The following ARL15 variants were observed in gnomAD, a reference collection of about 807,000 sequenced individuals.
ARL15 encodes ADP-ribosylation factor-like protein 15.
Under a neutral mutation model 25.2 loss-of-function variants are expected in ARL15, and 19 were observed. That is an observed-to-expected ratio of 0.75 (90% confidence interval 0.53 to 1.10). The LOEUF (loss-of-function observed/expected upper bound fraction) is 1.10, where lower values mean the gene tolerates loss of function less well. ARL15 is among the 50% of genes least tolerant of loss of function. The probability of loss-of-function intolerance (pLI) is 0.00; values close to 1 mark genes in which losing one functional copy is unlikely to be tolerated. For synonymous variants in ARL15, 94 were observed against 86.8 expected (o/e 1.08, Z -0.46); for missense variants, 220 against 246.0 (o/e 0.89, Z 0.71).
chr5:53,988,609 C>T (rs866965056), intron 4 of ARL15, among the ~76,000 whole-genome samples: 1 of 152,130 alleles, frequency 6.6e-6, no homozygotes, highest in African/African-American at 2.4e-5. Flanking sequence ...TTACTGAATA[C>T]ATTTTGCGTG....
At chr5:53,972,026 A>C (rs1655452183) in intron 4 of ARL15, among the ~76,000 whole-genome samples, 1 of 152,208 alleles carries the variant, frequency 6.6e-6, no homozygotes, top group South Asian at 2.1e-4. Context: ...GTATGTGTGA[A>C]TATAGATTTA....
chr5:53,908,331 C>CA (rs200939912), intron 4 of ARL15, among the ~76,000 whole-genome samples: 2,151 of 151,182 alleles, frequency 0.014, 55 homozygotes, highest in African/African-American at 0.05. Context: ...TGAAAATACT[C>CA]AAAAAAAAAT....
intron 4 of ARL15, among the ~76,000 whole-genome samples, chr5:53,923,621 T>G (rs1745924015): frequency 6.6e-6 from 1 of 152,228 alleles, no homozygotes; most frequent in Non-Finnish European, 1.5e-5. Flanking sequence ...GGTTCTGGTA[T>G]ATTCTTGAGC....
intron 1 of ARL15, chr5:54,285,371 A>T (rs772451239): frequency 2.5e-5 from 22 of 883,722 alleles, no homozygotes; most frequent in Non-Finnish European, 3.0e-5. Context: ...AAGAAATTTC[A>T]AAGGTAAGCA....
At position 54,009,917 on chromosome 5, in the gene ARL15, C is replaced by T. The variant is rs200858526; in HGVS notation, c.462+103285G>A. Among the ~76,000 whole-genome samples the T allele has an allele frequency of 1.5e-4, 23 of 152,206 alleles. No individual in the cohort carries two copies. In the East Asian group the frequency reaches 4.2e-3, roughly 28 times the overall value. On this transcript the variant is annotated intron_variant, in intron 4 of 4. Coordinates refer to ENST00000504924, the MANE Select transcript of ARL15 (RefSeq NM_019087.3). The stretch of plus-strand genomic sequence containing the variant: ...TTAAGGTTCTTCCTCAATTCTCAGG[C>T]CACCCTGGAGGTGAGGTGAGAGAAA...
intron 1 of ARL15, among the ~76,000 whole-genome samples, chr5:54,192,588 A>G (rs1399494545): frequency 5.6e-5 from 8 of 142,962 alleles, no homozygotes; most frequent in Admixed American, 5.3e-4. Context: ...TTATACTTTT[A>G]TGTGACTCCT....
intron 4 of ARL15, among the ~76,000 whole-genome samples, chr5:53,934,574 C>G (rs979098470): frequency 6.6e-6 from 1 of 152,054 alleles, no homozygotes; most frequent in African/African-American, 2.4e-5. Context: ...GTAGGGAGAC[C>G]AGTTGCAATA....
At chr5:54,123,706 C>T (rs1483436239) in intron 3 of ARL15, among the ~76,000 whole-genome samples, 1 of 152,130 alleles carries the variant, frequency 6.6e-6, no homozygotes, top group African/African-American at 2.4e-5. Context: ...TCACATATAC[C>T]ATCAAGCAGG....
intron 4 of ARL15, among the ~76,000 whole-genome samples, chr5:53,976,895 A>T (rs1195081162): frequency 6.6e-6 from 1 of 152,156 alleles, no homozygotes; most frequent in Non-Finnish European, 1.5e-5. Flanking sequence ...TTTCTGTTGG[A>T]GCATTTATAC....
At chr5:54,079,905 G>T (rs1217179009) in intron 4 of ARL15, among the ~76,000 whole-genome samples, 2 of 151,762 alleles carry the variant, frequency 1.3e-5, no homozygotes, top group African/African-American at 2.4e-5. Flanking sequence ...GGGAGGCGGA[G>T]GTTGCAGTGA....
At chr5:54,032,993 C>A (rs938815699) in intron 4 of ARL15, among the ~76,000 whole-genome samples, 1 of 151,310 alleles carries the variant, frequency 6.6e-6, no homozygotes, top group Non-Finnish European at 1.5e-5. Flanking sequence ...ATTTTTCATG[C>A]CTGTGGAAGT....
rs1754725152 is a variant in ARL15, at chr5:54,171,775, A to G, written c.193+9T>C. ...AGAAGAAGGGACAGAACCCCAGCAC[A>G]GTACCCACCTGTGGTCGACACGACG... On this transcript the variant is annotated intron_variant, in intron 2 of 4. Transcript: ENST00000504924. 3.1e-6 allele frequency: 5 copies of G among 1,609,540 alleles called. No homozygotes were observed. Among genetic ancestry groups the G allele is most frequent in the Middle Eastern group, 1.8e-4 (1 of 5,708 alleles).
chr5:54,266,480 G>A (rs1322373725), intron 1 of ARL15, among the ~76,000 whole-genome samples: 1 of 152,068 alleles, frequency 6.6e-6, no homozygotes. Context: ...CCCTGCTTTT[G>A]GATTTCATGA....
chr5:53,938,523 T>C (rs1179078849), intron 4 of ARL15, among the ~76,000 whole-genome samples: 3 of 152,234 alleles, frequency 2.0e-5, no homozygotes, highest in East Asian at 1.9e-4. Context: ...CTTTACCAGG[T>C]TGACACCCAA....
chr5:54,157,704 C>T (rs1283629161), intron 2 of ARL15, among the ~76,000 whole-genome samples: 1 of 152,206 alleles, frequency 6.6e-6, no homozygotes, highest in South Asian at 2.1e-4. Flanking sequence ...AGCCTCCGCA[C>T]CCAGCCCCCT....
chr5:54,119,539 T>C (rs1161072054), intron 3 of ARL15, among the ~76,000 whole-genome samples: 1 of 152,142 alleles, frequency 6.6e-6, no homozygotes, highest in Non-Finnish European at 1.5e-5. Context: ...CTAGCTCAAA[T>C]TATATCACTA....
intron 4 of ARL15, among the ~76,000 whole-genome samples, chr5:53,925,972 T>C (rs145254085): frequency 4.6e-4 from 69 of 149,052 alleles, no homozygotes; most frequent in African/African-American, 1.6e-3. Flanking sequence ...GTTATGAACC[T>C]CTATGTCCTT....
chr5:54,121,214 A>T (rs1400541152), intron 3 of ARL15, among the ~76,000 whole-genome samples: 1 of 152,208 alleles, frequency 6.6e-6, no homozygotes, highest in African/African-American at 2.4e-5. Context: ...CAAAATTGTA[A>T]GAGAATTATG....
intron 1 of ARL15, among the ~76,000 whole-genome samples, chr5:54,213,801 A>C (rs959444150): frequency 6.6e-6 from 1 of 152,204 alleles, no homozygotes; most frequent in African/African-American, 2.4e-5. Flanking sequence ...AAATTAGTGC[A>C]GAAAATTATT....
Sources: gnomAD v4.1 joint callset for allele counts (sites outside exome capture counted in the v4.1 genomes callset) on GRCh38, gnomAD v4.1.1 for gene constraint, MANE v1.5 for transcripts, NCBI Gene and HGNC (gene_info 2026-07-23, HGNC 2026-07-21) for gene names.